GREB1: variants seen among roughly 807,000 people sequenced by gnomAD.
The protein encoded by GREB1 is growth regulating estrogen receptor binding 1.
A neutral mutation model predicts 200.7 loss-of-function variants in GREB1; 106 were observed. The observed-to-expected ratio is 0.53, with a 90% CI of 0.45 to 0.62. The LOEUF is 0.62. Ranked by LOEUF, GREB1 falls within the 20% of genes least tolerant of loss-of-function variation. GREB1 has a pLI of 0.00. For synonymous variants in GREB1, 1,132 were observed against 1,092.4 expected (o/e 1.04, Z -0.72); for missense variants, 2,243 against 2,556.8 (o/e 0.88, Z 2.65).
rs149018440 is a variant in GREB1, at chr2:11,546,719, C to T, written c.-161-9735C>T. 2.6e-5 allele frequency among the ~76,000 whole-genome samples: 4 copies of T among 152,274 alleles called. No individual in the cohort carries two copies. The East Asian group carries it at 7.7e-4, about 29-fold the overall frequency. On this transcript the variant is annotated intron_variant, in intron 1 of 32. Coordinates refer to ENST00000381486, the MANE Select transcript of GREB1 (RefSeq NM_014668.4). ...GGCTCCCAGCATGATGAAAACCCTGCTCTGCTCAGGAGCGCATCTCGCTTT... is the reference window on the plus strand; with the variant it reads ...GGCTCCCAGCATGATGAAAACCCTGTTCTGCTCAGGAGCGCATCTCGCTTT...
chr2:11,532,695 T>C (rs1228279804), upstream of GREB1, among the ~76,000 whole-genome samples: 1 of 152,122 alleles, frequency 6.6e-6, no homozygotes, highest in Non-Finnish European at 1.5e-5. Flanking sequence ...TTTGGGTCTG[T>C]GGGAGGAGGG....
intron 3 of GREB1, among the ~76,000 whole-genome samples, chr2:11,563,454 G>A (rs1677293440): frequency 6.6e-6 from 1 of 152,240 alleles, no homozygotes; most frequent in Non-Finnish European, 1.5e-5. Context: ...CAGGCTTGGT[G>A]TACACCCCTG....
At chr2:11,607,410 A>G (rs1391271837) in intron 17 of GREB1, among the ~76,000 whole-genome samples, 1 of 146,870 alleles carries the variant, frequency 6.8e-6, no homozygotes, top group African/African-American at 2.5e-5. Context: ...TCTGCTGCCA[A>G]TTTCATCCAG....
chr2:11,580,484 GTA>G lies in GREB1; in HGVS notation c.773-218_773-217del, dbSNP rs778312552. ...TATCCTTGTGTGTAGGCAGAAGTGTGTATGTGTGTACACGTGCATGGGGGTGT... is the reference window on the plus strand; with the variant it reads ...TATCCTTGTGTGTAGGCAGAAGTGTGTGTGTGTACACGTGCATGGGGGTGT... On this transcript the variant is annotated intron_variant, in intron 6 of 32. Coordinates refer to ENST00000381486, the MANE Select transcript of GREB1 (RefSeq NM_014668.4). This position sits in a 1 kb window ranked among gnomAD's most constrained non-coding sequence, Gnocchi z 4.5. 2.6e-5 allele frequency among the ~76,000 whole-genome samples: 4 copies of G among 152,180 alleles called. No homozygotes were observed. Among genetic ancestry groups the G allele is most frequent in the Non-Finnish European group, 5.9e-5 (4 of 68,040 alleles).
chr2:11,564,621 C>T (rs566918084), intron 3 of GREB1, among the ~76,000 whole-genome samples: 3 of 152,378 alleles, frequency 2.0e-5, no homozygotes, highest in Admixed American at 6.5e-5. Context: ...TACATCCCTC[C>T]AGCTCTTCAG....
chr2:11,596,897 AGT>A lies in GREB1; in HGVS notation c.1954+660_1954+661del, dbSNP rs1205835577. On this transcript the variant is annotated intron_variant, in intron 13 of 32. Coordinates refer to ENST00000381486, the MANE Select transcript of GREB1 (RefSeq NM_014668.4). ...TGGGGGCACCGGTGTGTACAGTGAG[AGT>A]GGTGGGGGCACCAGTGTGTACAGTG... 5.8e-4 allele frequency among the ~76,000 whole-genome samples: 18 copies of A among 31,130 alleles called. No individual in the cohort carries two copies. In the Admixed American group the frequency reaches 7.8e-3, roughly 13 times the overall value. 20.4% of individuals were successfully genotyped at this position (31,130 alleles called of 152,430 possible). A position where few individuals can be genotyped will look rare whatever the true frequency, so the allele number is the denominator to read the frequency against.
In GREB1 at chr2:11,640,424, G is replaced by A. The variant is rs758737517; in HGVS notation, c.5820G>A (p.Pro1940=). The A allele has an allele frequency of 3.7e-6, 6 of 1,614,178 alleles. No homozygotes were observed. Among genetic ancestry groups the A allele is most frequent in the Non-Finnish European group, 4.2e-6 (5 of 1,180,046 alleles). Residue 1940 remains proline, a synonymous_variant, in exon 33 of 33, where the codon CCG becomes CCA. Coordinates refer to ENST00000381486, the MANE Select transcript of GREB1 (RefSeq NM_014668.4). The surrounding 1 kb of genome is among the most constrained non-coding windows in gnomAD (Gnocchi z 4.6). ...FQTANAREDR[P]LFFLTGRHI Reference sequence around the variant, plus strand: ...CCGCCAATGCCAGGGAAGACCGGCCGCTCTTTTTTCTGACGGGACGACACA... The same window carrying A: ...CCGCCAATGCCAGGGAAGACCGGCCACTCTTTTTTCTGACGGGACGACACA...
intron 1 of GREB1, among the ~76,000 whole-genome samples, chr2:11,508,873 C>CTCTTTTTTT (rs1553341299): frequency 2.1e-5 from 3 of 139,564 alleles, no homozygotes; most frequent in African/African-American, 8.3e-5. Flanking sequence ...TTCTTTCTCT[C>CTCTTTTTTT]TTTTTTTTTT....
At chr2:11,625,998 A>G (rs941453754) in intron 24 of GREB1, among the ~76,000 whole-genome samples, 21 of 152,140 alleles carry the variant, frequency 1.4e-4, no homozygotes, top group Non-Finnish European at 2.6e-4. Context: ...AAACCATTGC[A>G]TCTCGTGAAA....
At position 11,629,821 on chromosome 2, in the gene GREB1, G is replaced by A. The variant is rs1684742501; in HGVS notation, c.4450-127G>A. ...GCACTTTGCACTGGAGTCACCCCGT[G>A]GGTTTCTTGTGCTGTAGGGAAGTGG... On this transcript the variant is annotated intron_variant, in intron 25 of 32. Transcript: ENST00000381486. This position sits in a 1 kb window ranked among gnomAD's most constrained non-coding sequence, Gnocchi z 5.2. 1 of 899,466 alleles carries A rather than the reference G, an allele frequency of 1.1e-6. No individual in the cohort carries two copies. Among genetic ancestry groups the A allele is most frequent in the African/African-American group, 1.7e-5 (1 of 60,536 alleles). 55.7% of individuals were successfully genotyped at this position (899,466 alleles called of 1,614,324 possible).
chr2:11,614,053 G>A (rs1214192049), intron 19 of GREB1, among the ~76,000 whole-genome samples: 2 of 151,900 alleles, frequency 1.3e-5, no homozygotes, highest in Non-Finnish European at 2.9e-5. Flanking sequence ...CTAGTACCCT[G>A]GCCTGTGTTC....
Position 11,596,159 on chromosome 2 carries a change from G to A in GREB1, c.1874G>A (p.Gly625Asp). 6.2e-7 allele frequency: 1 copy of A among 1,613,702 alleles called. No homozygotes were observed. The highest frequency in any genetic ancestry group is 8.5e-7 in the Non-Finnish European group (1 of 1,179,630). The change falls in exon 13 of 33, where the codon GGC becomes GAC. Residue 625 changes from glycine (G) to aspartate (D), a missense_variant. By Grantham distance (94) the Gly-to-Asp change is moderately conservative. Transcript: ENST00000381486. ...GACAAATTTCACCAGGAAAATCAAG[G>A]CCATATTTCTTCCTCACTCGCTGCC... ...LLDKFHQENQ[G>D]HISSSLAASS...
At chr2:11,634,387 C>G in intron 29 of GREB1, 38 bp downstream of exon 29, 2 of 1,541,916 alleles carry the variant, frequency 1.3e-6, no homozygotes, top group Non-Finnish European at 1.8e-6. Flanking sequence ...GGCGGCAGCC[C>G]TGGGGGCGCA....
intron 1 of GREB1, among the ~76,000 whole-genome samples, chr2:11,502,759 C>T (rs1158062212): frequency 6.6e-6 from 1 of 152,084 alleles, no homozygotes; most frequent in Non-Finnish European, 1.5e-5. Flanking sequence ...TATGTGCCTA[C>T]ATCTATTTTA....
At chr2:11,637,214 T>C (rs1245178760) in intron 30 of GREB1, among the ~76,000 whole-genome samples, 1 of 152,080 alleles carries the variant, frequency 6.6e-6, no homozygotes, top group Non-Finnish European at 1.5e-5. Context: ...CCTTCCCAGC[T>C]ATGGGAAAGT....
intron 1 of GREB1, among the ~76,000 whole-genome samples, chr2:11,498,856 C>T (rs1672955770): frequency 6.6e-6 from 1 of 152,168 alleles, no homozygotes. Context: ...AGTTGTCAGC[C>T]CCTGTGACAT....
At position 11,580,516 on chromosome 2, in the gene GREB1, G is replaced by A. The variant is rs144497886; in HGVS notation, c.773-188G>A. ...TGTACACGTGCATGGGGGTGTGTGT[G>A]TGTATGCATGTGTCTGCATGTATCT... is the stretch of plus-strand genomic sequence containing the variant. On this transcript the variant is annotated intron_variant, in intron 6 of 32. Transcript: ENST00000381486. This position sits in a 1 kb window ranked among gnomAD's most constrained non-coding sequence, Gnocchi z 4.5. Among the ~76,000 whole-genome samples the A allele has an allele frequency of 2.8e-3, 426 of 152,328 alleles. 1 individual carries two copies. Among genetic ancestry groups the A allele is most frequent in the African/African-American group, 9.4e-3 (392 of 41,578 alleles).
At chr2:11,521,015 G>T (rs1324215253) in intron 1 of GREB1, among the ~76,000 whole-genome samples, 1 of 152,210 alleles carries the variant, frequency 6.6e-6, no homozygotes, top group African/African-American at 2.4e-5. Flanking sequence ...CCTCTGCCGT[G>T]TGGGCTCCAT....
At chr2:11,564,084 A>T (rs1677371134) in intron 3 of GREB1, among the ~76,000 whole-genome samples, 1 of 152,222 alleles carries the variant, frequency 6.6e-6, no homozygotes, top group Non-Finnish European at 1.5e-5. Flanking sequence ...AGGGAACAGC[A>T]TGTGCAAAGG....
Sources: allele counts gnomAD v4.1 joint callset (sites outside exome capture counted in the v4.1 genomes callset), GRCh38; gene constraint gnomAD v4.1.1; non-coding constraint Gnocchi (gnomAD v3.1); transcripts MANE v1.5; gene names NCBI Gene and HGNC (gene_info 2026-07-23, HGNC 2026-07-21).